The following ANGPT1 variants were observed in gnomAD, a reference collection of about 807,000 sequenced individuals.
The protein encoded by ANGPT1 is angiopoietin-1.
Under a neutral mutation model 62.2 loss-of-function variants are expected in ANGPT1, and 17 were observed. The ratio of observed to expected loss-of-function variants is 0.27; its 90% CI spans 0.19 to 0.41. ANGPT1 has a LOEUF of 0.41. Ranked by LOEUF, ANGPT1 falls within the 10% of genes least tolerant of loss-of-function variation. The probability of loss-of-function intolerance (pLI) is 1.00; values close to 1 mark genes in which losing one functional copy is unlikely to be tolerated. For missense variants in ANGPT1, 478 were observed against 594.9 expected (o/e 0.80, Z 2.04); for synonymous variants, 199 against 198.9 (o/e 1.00, Z 0.00).
chr8:107,492,527 G>A (rs556943044), intron 1 of ANGPT1, among the ~76,000 whole-genome samples: 3 of 152,274 alleles, frequency 2.0e-5, no homozygotes, highest in African/African-American at 7.2e-5. Context: ...AGTAGAGACA[G>A]GGTTTCGCCA....
At chr8:107,453,130 A>G (rs912186917) in intron 1 of ANGPT1, among the ~76,000 whole-genome samples, 4 of 152,060 alleles carry the variant, frequency 2.6e-5, no homozygotes, top group African/African-American at 9.7e-5. Context: ...TTCTCACACA[A>G]TGCTAACATA....
chr8:107,306,637 A>G (rs1814724683), intron 4 of ANGPT1, among the ~76,000 whole-genome samples: 1 of 152,108 alleles, frequency 6.6e-6, no homozygotes, highest in Non-Finnish European at 1.5e-5. Flanking sequence ...AATTTCCTGA[A>G]CATTGCAAGT....
At chr8:107,361,758 T>C (rs1204385332) in intron 1 of ANGPT1, among the ~76,000 whole-genome samples, 1 of 151,812 alleles carries the variant, frequency 6.6e-6, no homozygotes, top group Non-Finnish European at 1.5e-5. Context: ...GGAATGGTAG[T>C]TTAAATGTCA....
At chr8:107,474,674 T>C (rs563907493) in intron 1 of ANGPT1, among the ~76,000 whole-genome samples, 106 of 152,152 alleles carry the variant, frequency 7.0e-4, no homozygotes, top group Non-Finnish European at 1.1e-3. Flanking sequence ...TGATTGGATA[T>C]CTAGAAAACC....
intron 3 of ANGPT1, among the ~76,000 whole-genome samples, chr8:107,325,588 A>C (rs1390451641): frequency 6.6e-6 from 1 of 152,160 alleles, no homozygotes; most frequent in Non-Finnish European, 1.5e-5. Flanking sequence ...GGTTTGGAAA[A>C]TATCATGCTA....
At chr8:107,397,804 C>T (rs1816965286) in intron 1 of ANGPT1, among the ~76,000 whole-genome samples, 1 of 152,130 alleles carries the variant, frequency 6.6e-6, no homozygotes, top group South Asian at 2.1e-4. Context: ...TATTAGCTCT[C>T]AATGGCCACA....
chr8:107,401,922 C>T (rs1414687951), intron 1 of ANGPT1, among the ~76,000 whole-genome samples: 2 of 152,092 alleles, frequency 1.3e-5, no homozygotes, highest in African/African-American at 4.8e-5. Context: ...AATGTGATGT[C>T]CTTTTTTTGC....
intron 6 of ANGPT1, among the ~76,000 whole-genome samples, chr8:107,285,762 C>A (rs542840228): frequency 1.3e-5 from 2 of 151,986 alleles, no homozygotes; most frequent in African/African-American, 4.8e-5. Flanking sequence ...TTGGAGTATT[C>A]ACAATTGCCT....
rs1376415790 is a variant in ANGPT1, at chr8:107,249,760, GCTTT to G, written c.*2091_*2094del. 24 of 151,850 alleles carry G rather than the reference GCTTT, an allele frequency of 1.6e-4. 1 individual carries two copies. The highest frequency in any genetic ancestry group is 1.5e-3 in the Admixed American group (23 of 15,234). 9.4% of individuals were successfully genotyped at this position (151,850 alleles called of 1,614,324 possible). A position where few individuals can be genotyped will look rare whatever the true frequency, so the allele number is the denominator to read the frequency against. On this transcript the variant is annotated 3_prime_UTR_variant, in exon 9 of 9. Coordinates refer to ENST00000517746, the MANE Select transcript of ANGPT1 (RefSeq NM_001146.5). ...CAGACAACAAAACAGTAAATATCAT[GCTTT>G]CTTTTTTTATTATTTTATTTTGTTT...
At chr8:107,462,533 A>G (rs1586343218) in intron 1 of ANGPT1, among the ~76,000 whole-genome samples, 1 of 152,126 alleles carries the variant, frequency 6.6e-6, no homozygotes, top group South Asian at 2.1e-4. Flanking sequence ...TTGCTGGCAC[A>G]CATACTTCAT....
chr8:107,307,575 C>T (rs900645566), intron 4 of ANGPT1, among the ~76,000 whole-genome samples: 2 of 152,058 alleles, frequency 1.3e-5, no homozygotes, highest in African/African-American at 2.4e-5. Flanking sequence ...CTATCTTTCC[C>T]CTCGCGTTTT....
At chr8:107,397,299 C>A (rs1283664) in intron 1 of ANGPT1, among the ~76,000 whole-genome samples, 4 of 152,024 alleles carry the variant, frequency 2.6e-5, no homozygotes, top group Non-Finnish European at 4.4e-5. Flanking sequence ...TACCTGAAAG[C>A]CCTAGGGCAA....
At position 107,497,655 on chromosome 8, in the gene ANGPT1, T is replaced by G; in HGVS notation, c.-97A>C. On this transcript the variant is annotated 5_prime_UTR_variant, in exon 1 of 9. Transcript: ENST00000517746. ...CTTTATTTCAGGTAAAACTGCTTGT[T>G]TGTTTGACTCTTTCCCCCTCAAAGA... 1 of 1,267,914 alleles carries G rather than the reference T, an allele frequency of 7.9e-7. No individual in the cohort carries two copies. The highest frequency in any genetic ancestry group is 1.6e-5 in the South Asian group (1 of 60,862). 78.5% of individuals were successfully genotyped at this position (1,267,914 alleles called of 1,614,324 possible).
intron 7 of ANGPT1, among the ~76,000 whole-genome samples, chr8:107,268,567 G>T (rs1813668724): frequency 1.3e-5 from 2 of 151,894 alleles, no homozygotes; most frequent in Non-Finnish European, 2.9e-5. Context: ...GGAAAAAAAG[G>T]CCATGTCTTA....
intron 2 of ANGPT1, among the ~76,000 whole-genome samples, chr8:107,342,466 G>A (rs1371162845): frequency 6.6e-6 from 1 of 152,088 alleles, no homozygotes; most frequent in East Asian, 1.9e-4. Context: ...CTTAGGCTTG[G>A]TGGGCCAAAT....
At chr8:107,310,985 GTGTGTGTATGTGTGTGACTGTGTGTA>G (rs1342587513) in intron 4 of ANGPT1, among the ~76,000 whole-genome samples, 1 of 142,760 alleles carries the variant, frequency 7.0e-6, no homozygotes, top group African/African-American at 3.0e-5. Context: ...GTATGTGAGT[GTGTGTGTATGTGTGTGACTGTGTGTA>G]TGTATGTGAG....
intron 1 of ANGPT1, among the ~76,000 whole-genome samples, chr8:107,468,232 G>A (rs1436424759): frequency 6.6e-6 from 1 of 152,004 alleles, no homozygotes; most frequent in African/African-American, 2.4e-5. Context: ...TTGGGAGGTG[G>A]GGCTAAGTAA....
Position 107,251,553 on chromosome 8 carries a change from A to G in ANGPT1, c.*302T>C, listed in dbSNP as rs572985239. On this transcript the variant is annotated 3_prime_UTR_variant, in exon 9 of 9. Transcript: ENST00000517746. ...ATCATCTGGCTACCATAGTTCCAAA[A>G]TAAGGTCCAGTAGTAGTTTGAAGCA... is the stretch of plus-strand genomic sequence containing the variant. 1 of 260,318 alleles carries G rather than the reference A, an allele frequency of 3.8e-6. No homozygotes were observed. Among genetic ancestry groups the G allele is most frequent in the Non-Finnish European group, 7.3e-6 (1 of 136,340 alleles). The allele number at this position is 260,318 out of a possible 1,614,324, so 16.1% of individuals were successfully genotyped here. A position where few individuals can be genotyped will look rare whatever the true frequency, so the allele number is the denominator to read the frequency against.
At chr8:107,415,676 G>A (rs1214474268) in intron 1 of ANGPT1, among the ~76,000 whole-genome samples, 1 of 152,122 alleles carries the variant, frequency 6.6e-6, no homozygotes, top group Non-Finnish European at 1.5e-5. Flanking sequence ...ATAAGGTAAA[G>A]GTGATCCAGT....
Sources: allele counts gnomAD v4.1 joint callset (sites outside exome capture counted in the v4.1 genomes callset), GRCh38; gene constraint gnomAD v4.1.1; transcripts MANE v1.5; gene names NCBI Gene and HGNC (gene_info 2026-07-23, HGNC 2026-07-21).